Variants in RADX observed in about 807,000 individuals in gnomAD.
RADX encodes RPA1 related single stranded DNA binding protein, X-linked, also known as RPA-related protein RADX.
RADX carries 36 observed loss-of-function variants against 61.6 expected under a neutral mutation model. The ratio of observed to expected loss-of-function variants is 0.58; its 90% CI spans 0.45 to 0.77. The LOEUF (loss-of-function observed/expected upper bound fraction) is 0.77, where lower values mean the gene tolerates loss of function less well. Ranked by LOEUF, RADX falls within the 30% of genes least tolerant of loss-of-function variation. The probability of loss-of-function intolerance (pLI) is 0.00; values close to 1 mark genes in which losing one functional copy is unlikely to be tolerated. For synonymous variants in RADX, 272 were observed against 237.9 expected, an observed-to-expected ratio of 1.14 and a Z score of -1.32; for missense variants, 497 against 651.1, an observed-to-expected ratio of 0.76 and a Z score of 2.58.
intron 1 of RADX, among the ~76,000 whole-genome samples, chrX:106,614,190 A>C (rs1226913481): frequency 1.8e-5 from 2 of 111,697 alleles, no homozygotes; most frequent in African/African-American, 3.3e-5. Flanking sequence ...GAGAAGTGAA[A>C]GACCTCTTTC....
chrX:106,624,527 A>G (rs180898314), intron 2 of RADX, among the ~76,000 whole-genome samples: 249 of 111,773 alleles, frequency 2.2e-3, no homozygotes, highest in African/African-American at 7.9e-3. Context: ...AAATATGGAT[A>G]CTAATTGTAC....
At position 106,630,242 on chromosome X, in the gene RADX, T is replaced by C. The variant is rs747843103; in HGVS notation, c.980-2383T>C. ...CAGGAAGCTGAGGAGAAAGGATTGC[T>C]TGAGCCCAGGAGGTTGAGGCTTCAA... On this transcript the variant is annotated intron_variant, in intron 3 of 13. Coordinates refer to ENST00000372548, the MANE Select transcript of RADX (RefSeq NM_018015.6). Among the ~76,000 whole-genome samples, 76 of 110,698 alleles carry C rather than the reference T, an allele frequency of 6.9e-4. 1 individual carries two copies. Among genetic ancestry groups the C allele is most frequent in the African/African-American group, 2.4e-3 (74 of 30,496 alleles).
At chrX:106,621,185 C>A (rs988657613) in intron 1 of RADX, among the ~76,000 whole-genome samples, 8 of 111,961 alleles carry the variant, frequency 7.1e-5, no homozygotes, top group African/African-American at 2.6e-4. Flanking sequence ...TATATCAGAT[C>A]AAATGTTAGG....
chrX:106,620,094 G>A (rs755693464), intron 1 of RADX, among the ~76,000 whole-genome samples: 14 of 111,482 alleles, frequency 1.3e-4, no homozygotes, highest in African/African-American at 2.9e-4. Flanking sequence ...GCTCTCGCAA[G>A]TGTACAGTGT....
intron 12 of RADX, among the ~76,000 whole-genome samples, chrX:106,664,702 C>G (rs1380326978): frequency 9.1e-6 from 1 of 109,470 alleles, no homozygotes; most frequent in Non-Finnish European, 1.9e-5. Context: ...GATTCTCATA[C>G]AGTCTCGGTG....
At chrX:106,670,644 TATAATA>T (rs774846786) in intron 13 of RADX, among the ~76,000 whole-genome samples, 2 of 108,022 alleles carry the variant, frequency 1.9e-5, no homozygotes, top group South Asian at 3.8e-4. Flanking sequence ...ATATGTATAA[TATAATA>T]ATAATAATAA....
In RADX at chrX:106,612,543, T is replaced by C; in HGVS notation, c.463T>C (p.Cys155Arg). 1 of 1,211,643 alleles carries C rather than the reference T, an allele frequency of 8.3e-7. No homozygotes were observed. Among genetic ancestry groups the C allele is most frequent in the Non-Finnish European group, 1.1e-6 (1 of 895,388 alleles). The change falls in exon 1 of 14, where the codon TGT (cysteine) becomes CGT (arginine). Residue 155 changes from cysteine (C) to arginine (R), a missense_variant. Cys to Arg is a radical substitution (Grantham distance 180, BLOSUM62 -3). Transcript: ENST00000372548. Reference sequence around the variant, plus strand: ...GATCCTGTGCATAGATAACGTCCACTGTGGGGAGACTTCAGACAGTATTTC... The same window carrying C: ...GATCCTGTGCATAGATAACGTCCACCGTGGGGAGACTTCAGACAGTATTTC... ...QGILCIDNVH[C>R]GETSDSISLE...
chrX:106,655,809 C>T (rs958377438), intron 11 of RADX, among the ~76,000 whole-genome samples: 6 of 111,973 alleles, frequency 5.4e-5, no homozygotes, highest in Non-Finnish European at 7.5e-5. Context: ...CATACGTGTG[C>T]ATGTGTCTTT....
intron 11 of RADX, among the ~76,000 whole-genome samples, chrX:106,654,729 C>A (rs1927894417): frequency 9.0e-6 from 1 of 111,563 alleles, no homozygotes; most frequent in African/African-American, 3.3e-5. Context: ...AAAGCAATGG[C>A]AACAAAAGCC....
chrX:106,630,063 C>T (rs1164759379), intron 3 of RADX, among the ~76,000 whole-genome samples: 4 of 112,016 alleles, frequency 3.6e-5, no homozygotes, highest in Non-Finnish European at 7.5e-5. Flanking sequence ...TGGCTCATGC[C>T]TGTAATTCCA....
chrX:106,616,147 A>G (rs932582763), intron 1 of RADX, among the ~76,000 whole-genome samples: 1 of 111,450 alleles, frequency 9.0e-6, no homozygotes, highest in Admixed American at 9.5e-5. Context: ...GATTAAACCA[A>G]TAATGCTTTT....
chrX:106,633,554 A>G (rs1927290785), intron 6 of RADX, among the ~76,000 whole-genome samples: 1 of 111,850 alleles, frequency 8.9e-6, no homozygotes, highest in Admixed American at 9.5e-5. Flanking sequence ...TAAGACTAAA[A>G]CATGGGCAGT....
Position 106,632,624 on chromosome X carries a change from G to A in RADX, c.980-1G>A, listed in dbSNP as rs1927261156. Reference sequence around the variant, plus strand: ...ATTAAAGTAATATATTTATTTTTCAGAAATCTGCCTGAATCTTCGAGATCC... The same window carrying A: ...ATTAAAGTAATATATTTATTTTTCAAAAATCTGCCTGAATCTTCGAGATCC... On this transcript the variant is annotated splice_acceptor_variant, in intron 3 of 13. Coordinates refer to ENST00000372548, the MANE Select transcript of RADX (RefSeq NM_018015.6). LOFTEE classifies it high-confidence loss of function. The A allele has an allele frequency of 2.6e-6, 3 of 1,160,843 alleles. No homozygotes were observed. Among genetic ancestry groups the A allele is most frequent in the Non-Finnish European group, 3.5e-6 (3 of 856,924 alleles).
intron 10 of RADX, among the ~76,000 whole-genome samples, chrX:106,643,875 G>A (rs1195112369): frequency 1.8e-5 from 2 of 111,307 alleles, no homozygotes; most frequent in African/African-American, 6.5e-5. Flanking sequence ...GGGCAGTATA[G>A]ACATTGTAAT....
At chrX:106,643,312 G>T (rs1346434474) in intron 10 of RADX, among the ~76,000 whole-genome samples, 2 of 110,991 alleles carry the variant, frequency 1.8e-5, no homozygotes, top group Non-Finnish European at 3.8e-5. Context: ...TTCCTTTGCT[G>T]TGCAGAAGCT....
intron 13 of RADX, among the ~76,000 whole-genome samples, chrX:106,676,227 A>T (rs1928505131): frequency 8.9e-6 from 1 of 112,569 alleles, no homozygotes; most frequent in Admixed American, 9.4e-5. Flanking sequence ...AGTTGTAATC[A>T]TTATGATTTA....
intron 10 of RADX, among the ~76,000 whole-genome samples, chrX:106,647,148 C>T (rs1927677161): frequency 9.0e-6 from 1 of 110,744 alleles, no homozygotes; most frequent in South Asian, 3.8e-4. Context: ...ACTCCCCTTC[C>T]CAGCCTCTGG....
At chrX:106,644,692 T>G (rs1256598746) in intron 10 of RADX, among the ~76,000 whole-genome samples, 1 of 111,338 alleles carries the variant, frequency 9.0e-6, no homozygotes, top group African/African-American at 3.3e-5. Flanking sequence ...AGGATTTTTG[T>G]ATCAAAATTC....
chrX:106,662,758 A>G (rs1928135989), intron 12 of RADX, among the ~76,000 whole-genome samples: 1 of 110,162 alleles, frequency 9.1e-6, no homozygotes, highest in Non-Finnish European at 1.9e-5. Flanking sequence ...TAGACCCTCA[A>G]GATAATAAAA....
Sources: allele counts gnomAD v4.1 joint callset (sites outside exome capture counted in the v4.1 genomes callset), GRCh38; gene constraint gnomAD v4.1.1; transcripts MANE v1.5; gene names NCBI Gene and HGNC (gene_info 2026-07-23, HGNC 2026-07-21).